MAGI1: variants seen among roughly 807,000 people sequenced by gnomAD.
MAGI1 encodes the protein membrane associated guanylate kinase, WW and PDZ domain containing 1, also known as membrane-associated guanylate kinase, WW and PDZ domain-containing protein 1.
In MAGI1, 58 loss-of-function variants were observed where a neutral mutation model predicts 139.9. That is an observed-to-expected ratio of 0.41 (90% CI 0.34 to 0.52). MAGI1 has a LOEUF of 0.52. Among genes scored for constraint, MAGI1 ranks in the 20% least tolerant of loss-of-function variants. The pLI is 0.12. For missense variants in MAGI1, 1,874 were observed against 1,901.6 expected (o/e 0.99, Z 0.27); for synonymous variants, 812 against 737.9 (o/e 1.10, Z -1.63).
intron 1 of MAGI1, among the ~76,000 whole-genome samples, chr3:65,724,340 A>T (rs2033376577): frequency 6.6e-6 from 1 of 152,244 alleles, no homozygotes; most frequent in African/African-American, 2.4e-5. Context: ...ATCCTTCAGC[A>T]GTCTAGAAGA....
intron 1 of MAGI1, among the ~76,000 whole-genome samples, chr3:65,973,848 T>C (rs949429910): frequency 3.6e-4 from 55 of 152,314 alleles, no homozygotes; most frequent in African/African-American, 1.2e-3. Context: ...CTTAGTACCT[T>C]TTTGTTTTCA....
chr3:66,022,578 G>C (rs1309054269), intron 1 of MAGI1, among the ~76,000 whole-genome samples: 2 of 152,182 alleles, frequency 1.3e-5, no homozygotes, highest in African/African-American at 4.8e-5. Context: ...CTCATCTGCT[G>C]TCCTTACACT....
chr3:65,610,741 A>ACTATATACTATATACTATATAT (rs377575324), intron 2 of MAGI1, among the ~76,000 whole-genome samples: 2 of 25,552 alleles, frequency 7.8e-5, no homozygotes. Context: ...TATAGTATAT[A>ACTATATACTATATACTATATAT]GTATATATAC....
intron 1 of MAGI1, among the ~76,000 whole-genome samples, chr3:65,849,502 T>TATATATATCATCAAATATAC (rs1328075986): frequency 7.0e-6 from 1 of 143,620 alleles, no homozygotes; most frequent in Non-Finnish European, 1.6e-5. Context: ...AATATACATA[T>TATATATATCATCAAATATAC]ATATATATCA....
chr3:65,619,169 A>G (rs2083535440), intron 2 of MAGI1, among the ~76,000 whole-genome samples: 1 of 152,210 alleles, frequency 6.6e-6, no homozygotes, highest in Non-Finnish European at 1.5e-5. Context: ...AAAAAGTAAA[A>G]TAGCAGCAGA....
chr3:65,691,160 G>A (rs943327182), intron 1 of MAGI1, among the ~76,000 whole-genome samples: 20 of 151,840 alleles, frequency 1.3e-4, no homozygotes, highest in East Asian at 3.9e-4. Flanking sequence ...AAAATTAGCC[G>A]GGCGTGGTGG....
chr3:65,861,949 G>C (rs954931532), intron 1 of MAGI1, among the ~76,000 whole-genome samples: 9 of 152,112 alleles, frequency 5.9e-5, no homozygotes, highest in African/African-American at 2.2e-4. Flanking sequence ...TGGAACAACC[G>C]GTAAGACCTC....
At chr3:65,945,807 T>G (rs1453163629) in intron 1 of MAGI1, among the ~76,000 whole-genome samples, 2 of 152,228 alleles carry the variant, frequency 1.3e-5, no homozygotes, top group Non-Finnish European at 2.9e-5. Flanking sequence ...TCGTGAATCA[T>G]TCGTTGCTCA....
chr3:65,801,127 C>A (rs1411272095), intron 1 of MAGI1, among the ~76,000 whole-genome samples: 1 of 152,178 alleles, frequency 6.6e-6, no homozygotes, highest in Non-Finnish European at 1.5e-5. Flanking sequence ...AGGTAAAACT[C>A]TTCTTGGGCA....
intron 2 of MAGI1, among the ~76,000 whole-genome samples, chr3:65,568,241 C>T (rs2080768877): frequency 6.6e-6 from 1 of 152,160 alleles, no homozygotes; most frequent in Admixed American, 6.5e-5. Flanking sequence ...TATCATTTCC[C>T]TCTCGTTTCC....
At chr3:65,820,536 C>A (rs1057265663) in intron 1 of MAGI1, among the ~76,000 whole-genome samples, 2 of 152,064 alleles carry the variant, frequency 1.3e-5, no homozygotes, top group African/African-American at 2.4e-5. Context: ...CTTAATCTTT[C>A]GGGGTCATGA....
intron 1 of MAGI1, among the ~76,000 whole-genome samples, chr3:65,962,970 G>GT (rs147070673): frequency 2.1e-3 from 306 of 143,820 alleles, no homozygotes; most frequent in South Asian, 8.3e-3. Flanking sequence ...AACAAGATGA[G>GT]TTTTTTTTTT....
intron 1 of MAGI1, among the ~76,000 whole-genome samples, chr3:65,995,253 A>G (rs749149227): frequency 8.5e-5 from 13 of 152,208 alleles, no homozygotes; most frequent in Non-Finnish European, 1.6e-4. Context: ...GCAAAAACAT[A>G]AATAACAAAT....
rs1204700107 is a variant in MAGI1 at position 65,530,624 on chromosome 3, G to GTGGTGTGTGT, written c.431-36994_431-36993insACACACACCA. Among the ~76,000 whole-genome samples the GTGGTGTGTGT allele has an allele frequency of 9.1e-4, 118 of 129,004 alleles. 1 individual carries two copies. The highest frequency in any genetic ancestry group is 8.1e-3 in the Middle Eastern group (2 of 246). 84.6% of individuals were successfully genotyped at this position (129,004 alleles called of 152,430 possible). A position where few individuals can be genotyped will look rare whatever the true frequency, so the allele number is the denominator to read the frequency against. ...GCAAGACACATACGTATGTGTGTGTGGTGTGTGTGTGTGTGTGTGTGTGTG... is the reference window on the plus strand; with the variant it reads ...GCAAGACACATACGTATGTGTGTGTGTGGTGTGTGTGTGTGTGTGTGTGTGTGTGTGTGTG... On this transcript the variant is annotated intron_variant, in intron 2 of 22. Coordinates refer to ENST00000402939, the MANE Select transcript of MAGI1 (RefSeq NM_001033057.2).
intron 1 of MAGI1, among the ~76,000 whole-genome samples, chr3:65,918,379 A>ATTTTTTTTTTTTTTTTTT (rs34906725): frequency 7.8e-6 from 1 of 128,704 alleles, no homozygotes; most frequent in Non-Finnish European, 1.6e-5. Flanking sequence ...GCTCCAAAAC[A>ATTTTTTTTTTTTTTTTTT]TTTTTTTTTT....
At chr3:65,734,996 AAAAG>A (rs2034589663) in intron 1 of MAGI1, among the ~76,000 whole-genome samples, 1 of 152,134 alleles carries the variant, frequency 6.6e-6, no homozygotes, top group Non-Finnish European at 1.5e-5. Flanking sequence ...TCTCTATTAA[AAAAG>A]AAAGTATATA....
chr3:65,851,951 G>A (rs540172096), intron 1 of MAGI1, among the ~76,000 whole-genome samples: 6 of 152,294 alleles, frequency 3.9e-5, no homozygotes, highest in African/African-American at 1.2e-4. Flanking sequence ...AGGCAAGAAC[G>A]GGGGAAGAAT....
intron 1 of MAGI1, among the ~76,000 whole-genome samples, chr3:65,780,894 A>C (rs1351317202): frequency 6.6e-6 from 1 of 152,150 alleles, no homozygotes; most frequent in African/African-American, 2.4e-5. Flanking sequence ...TTTCTGTTTT[A>C]TGTTTCACTA....
chr3:65,574,026 C>T (rs894583308), intron 2 of MAGI1, among the ~76,000 whole-genome samples: 1 of 151,880 alleles, frequency 6.6e-6, no homozygotes, highest in Non-Finnish European at 1.5e-5. Flanking sequence ...TTGCTGACCC[C>T]TGATCTATGT....
Sources: allele counts gnomAD v4.1 joint callset (sites outside exome capture counted in the v4.1 genomes callset), GRCh38; gene constraint gnomAD v4.1.1; transcripts MANE v1.5; gene names NCBI Gene and HGNC (gene_info 2026-07-23, HGNC 2026-07-21).